ENPP2: variants seen among roughly 807,000 people sequenced by gnomAD.
ENPP2 encodes the protein ectonucleotide pyrophosphatase/phosphodiesterase 2.
In ENPP2, 51 loss-of-function variants were observed where a neutral mutation model predicts 120.2. That is an observed-to-expected ratio of 0.42 (90% CI 0.34 to 0.54). The LOEUF is 0.54. Ranked by LOEUF, ENPP2 falls within the 20% of genes least tolerant of loss-of-function variation. The pLI, the probability that ENPP2 is intolerant of heterozygous loss-of-function variation, is 0.04. For synonymous variants in ENPP2, 365 were observed against 366.4 expected (o/e 1.00, Z 0.04); for missense variants, 920 against 1,066.5 (o/e 0.86, Z 1.91).
intron 1 of ENPP2, among the ~76,000 whole-genome samples, chr8:119,660,206 G>A (rs954427022): frequency 6.6e-6 from 1 of 152,080 alleles, no homozygotes; most frequent in Non-Finnish European, 1.5e-5. Flanking sequence ...TTCCATAGAC[G>A]TCCTTACTTT....
In ENPP2 at chr8:119,621,420, C is replaced by G; in HGVS notation, c.392G>C (p.Cys131Ser). The G allele has an allele frequency of 6.2e-7, 1 of 1,613,438 alleles. No individual in the cohort carries two copies. Among genetic ancestry groups the G allele is most frequent in the Non-Finnish European group, 8.5e-7 (1 of 1,179,516 alleles). Residue 131 changes from cysteine to serine, a missense_variant, in exon 4 of 25, where the codon TGT (cysteine) becomes TCT (serine). Physicochemically the swap from Cys to Ser is moderately radical, Grantham distance 112. Coordinates refer to ENST00000075322, the MANE Select transcript of ENPP2 (RefSeq NM_001040092.3). ...TTTGCAAACCACTTGGTAATTGGTA[C>G]AGCAGTCTCCCCTGGCCAAGCAGTC... Reference protein sequence around the residue: ...SEDCLARGDCCTNYQVVCKGE... With the variant: ...SEDCLARGDCSTNYQVVCKGE...
chr8:119,610,903 T>TAA (rs541673414), intron 8 of ENPP2, among the ~76,000 whole-genome samples: 27 of 136,526 alleles, frequency 2.0e-4, no homozygotes, highest in Admixed American at 1.4e-3. Context: ...ATTCTGTCTT[T>TAA]AAAAAAAAAA....
At chr8:119,639,644 G>C (rs1191134679), upstream of ENPP2, among the ~76,000 whole-genome samples, 2 of 152,058 alleles carry the variant, frequency 1.3e-5, no homozygotes, top group South Asian at 2.1e-4. Context: ...GCAGATGGGT[G>C]GGGGAAGGGG....
intron 2 of ENPP2, among the ~76,000 whole-genome samples, chr8:119,629,821 TAGAG>T (rs1217637858): frequency 6.6e-6 from 1 of 151,324 alleles, no homozygotes; most frequent in Non-Finnish European, 1.5e-5. Flanking sequence ...CAGAAAAAAA[TAGAG>T]AAAGTCCTAC....
At chr8:119,653,941 C>G (rs1471630993) in intron 1 of ENPP2, among the ~76,000 whole-genome samples, 1 of 146,916 alleles carries the variant, frequency 6.8e-6, no homozygotes, top group Non-Finnish European at 1.5e-5. Flanking sequence ...TTTTTTATCT[C>G]TATATATAAT....
chr8:119,646,505 T>G (rs1292963917), intron 1 of ENPP2, among the ~76,000 whole-genome samples: 4 of 152,130 alleles, frequency 2.6e-5, no homozygotes, highest in African/African-American at 7.2e-5. Context: ...AGAGGGTAAA[T>G]TCAAGCTGCT....
intron 14 of ENPP2, among the ~76,000 whole-genome samples, chr8:119,586,687 G>T (rs1025222514): frequency 6.6e-6 from 1 of 152,172 alleles, no homozygotes; most frequent in Non-Finnish European, 1.5e-5. Flanking sequence ...CTGATTAGAT[G>T]CTCTTGTACC....
chr8:119,664,372 GTC>G (rs1221460392), intron 1 of ENPP2, among the ~76,000 whole-genome samples: 2 of 152,232 alleles, frequency 1.3e-5, no homozygotes, highest in East Asian at 3.9e-4. Flanking sequence ...AACCTCTGTT[GTC>G]TCTCTCTAAA....
chr8:119,645,458 T>G (rs1019130744), intron 1 of ENPP2, among the ~76,000 whole-genome samples: 4 of 152,194 alleles, frequency 2.6e-5, no homozygotes, highest in Admixed American at 2.0e-4. Flanking sequence ...TGCTGTTAGT[T>G]CCTAAATTTT....
chr8:119,591,010 A>AAAAG (rs1434538624), intron 12 of ENPP2, among the ~76,000 whole-genome samples: 1 of 151,386 alleles, frequency 6.6e-6, no homozygotes, highest in Non-Finnish European at 1.5e-5. Flanking sequence ...AAAAAAAAAA[A>AAAAG]AAAAAACCCT....
At chr8:119,576,726 C>T (rs569418745) in intron 19 of ENPP2, among the ~76,000 whole-genome samples, 1 of 152,210 alleles carries the variant, frequency 6.6e-6, no homozygotes, top group South Asian at 2.1e-4. Context: ...ATTAATTCAT[C>T]CATCAATTCA....
chr8:119,660,785 G>A (rs890272770), intron 1 of ENPP2, among the ~76,000 whole-genome samples: 1 of 152,184 alleles, frequency 6.6e-6, no homozygotes, highest in Non-Finnish European at 1.5e-5. Context: ...CTGTCACAAT[G>A]ACTCAACTTG....
chr8:119,669,440 A>G (rs1167207087), intron 1 of ENPP2, among the ~76,000 whole-genome samples: 1 of 152,236 alleles, frequency 6.6e-6, no homozygotes, highest in African/African-American at 2.4e-5. Context: ...TTAGAAAATT[A>G]CACAAGTAGC....
At chr8:119,618,010 C>T (rs781204481) in intron 5 of ENPP2, 69 of 247,582 alleles carry the variant, frequency 2.8e-4, no homozygotes, top group East Asian at 3.2e-4. Context: ...AACCACAAGC[C>T]AGTCATGGTT....
At chr8:119,591,022 G>T in intron 12 of ENPP2, among the ~76,000 whole-genome samples, 1 of 122,012 alleles carries the variant, frequency 8.2e-6, no homozygotes. Context: ...AAAAACCCTA[G>T]GTTGCATCAA....
chr8:119,600,877 A>G (rs1814251937), intron 10 of ENPP2, 127 bp from the exon 11 acceptor site: 1 of 632,548 alleles, frequency 1.6e-6, no homozygotes, highest in Non-Finnish European at 2.8e-6. Context: ...ACTACTATTC[A>G]TGTTAGCATG....
rs139311835 is a variant in ENPP2, at chr8:119,560,628, T to A, written c.2421+2229A>T. ...CTCCTCCATTTCAAATTTATCTTCC[T>A]AAAGCAGAGCCAAAAACGTTGCTCT... On this transcript the variant is annotated intron_variant, in intron 24 of 24. Coordinates refer to ENST00000075322, the MANE Select transcript of ENPP2 (RefSeq NM_001040092.3). Among the ~76,000 whole-genome samples, 1,431 of 152,336 alleles carry A rather than the reference T, an allele frequency of 9.4e-3. 16 individuals are homozygous for A. Among genetic ancestry groups the A allele is most frequent in the Non-Finnish European group, 1.0e-2 (680 of 68,038 alleles).
chr8:119,571,761 A>T (rs1220494555), intron 19 of ENPP2: 1 of 153,318 alleles, frequency 6.5e-6, no homozygotes, highest in Non-Finnish European at 1.5e-5. Flanking sequence ...AAAAAAAAAT[A>T]AATTCTTGTA....
chr8:119,633,863 C>T (rs547604558), intron 2 of ENPP2, among the ~76,000 whole-genome samples: 1 of 151,584 alleles, frequency 6.6e-6, no homozygotes, highest in East Asian at 1.9e-4. Flanking sequence ...AGTTTTTAAA[C>T]ACCTGTGCTT....
Sources: gnomAD v4.1 joint callset for allele counts (sites outside exome capture counted in the v4.1 genomes callset) on GRCh38, gnomAD v4.1.1 for gene constraint, MANE v1.5 for transcripts, NCBI Gene and HGNC (gene_info 2026-07-23, HGNC 2026-07-21) for gene names.